Variants in MCPH1 observed in about 807,000 individuals in gnomAD.
MCPH1 encodes the protein microcephalin 1.
A neutral mutation model predicts 84.5 loss-of-function variants in MCPH1; 104 were observed. The observed-to-expected ratio is 1.23, with a 90% CI of 1.05 to 1.45. MCPH1 has a LOEUF of 1.45. Among genes scored for constraint, MCPH1 ranks in the 40% most tolerant of loss-of-function variants. The probability of loss-of-function intolerance (pLI) is 0.00; values close to 1 mark genes in which losing one functional copy is unlikely to be tolerated. For synonymous variants in MCPH1, 514 were observed against 366.8 expected (o/e 1.40, Z -4.58); for missense variants, 1,498 against 1,005.7 (o/e 1.49, Z -6.62).
intron 2 of MCPH1, among the ~76,000 whole-genome samples, chr8:6,412,451 A>G (rs937675815): frequency 6.6e-6 from 1 of 152,248 alleles, no homozygotes; most frequent in African/African-American, 2.4e-5. Context: ...AGTCGTTAAC[A>G]TCGTAAGATT....
At chr8:6,437,293 C>T (rs899251147) in intron 5 of MCPH1, among the ~76,000 whole-genome samples, 12 of 151,920 alleles carry the variant, frequency 7.9e-5, no homozygotes, top group African/African-American at 2.4e-4. Flanking sequence ...TGCAGTGGTG[C>T]GATCTTGGCT....
chr8:6,407,638 A>C (rs140399687), intron 1 of MCPH1, among the ~76,000 whole-genome samples: 5 of 152,342 alleles, frequency 3.3e-5, no homozygotes, highest in African/African-American at 1.2e-4. Flanking sequence ...CAAAGTCTGT[A>C]ATCAGATGTG....
intron 8 of MCPH1, among the ~76,000 whole-genome samples, chr8:6,451,460 C>G (rs558692670): frequency 5.3e-5 from 8 of 152,300 alleles, no homozygotes; most frequent in Admixed American, 2.6e-4. Flanking sequence ...TCAGGAAATT[C>G]AAAAGTCAGA....
chr8:6,544,814 T>G (rs1474149484), intron 12 of MCPH1, among the ~76,000 whole-genome samples: 1 of 152,218 alleles, frequency 6.6e-6, no homozygotes, highest in Non-Finnish European at 1.5e-5. Flanking sequence ...TAACATCTGC[T>G]GAACTGTCGA....
At chr8:6,441,490 G>C (rs1803502948) in intron 6 of MCPH1, among the ~76,000 whole-genome samples, 1 of 151,944 alleles carries the variant, frequency 6.6e-6, no homozygotes, top group South Asian at 2.1e-4. Flanking sequence ...TTTGTTTCTT[G>C]ACTATTGTAT....
At chr8:6,535,471 A>G (rs764248639) in intron 12 of MCPH1, among the ~76,000 whole-genome samples, 1 of 152,210 alleles carries the variant, frequency 6.6e-6, no homozygotes, top group Non-Finnish European at 1.5e-5. Context: ...GCTATTCAGG[A>G]TGACTAAGTA....
chr8:6,506,102 G>T (rs17077194), intron 12 of MCPH1, among the ~76,000 whole-genome samples: 11 of 140,798 alleles, frequency 7.8e-5, no homozygotes, highest in African/African-American at 3.1e-4. Context: ...TTCCTACATT[G>T]TTTCTTGGTG....
At chr8:6,625,995 G>A (rs892877840) in intron 13 of MCPH1, 3 of 985,264 alleles carry the variant, frequency 3.0e-6, no homozygotes, top group Non-Finnish European at 3.6e-6. Context: ...GGTGGGTACT[G>A]AAACGACAGC....
intron 12 of MCPH1, among the ~76,000 whole-genome samples, chr8:6,583,691 C>T (rs187497065): frequency 2.0e-5 from 3 of 152,210 alleles, no homozygotes; most frequent in East Asian, 1.9e-4. Flanking sequence ...TGGAAATGAG[C>T]TCATCCCCAC....
At chr8:6,611,444 A>G (rs1442128797) in intron 12 of MCPH1, among the ~76,000 whole-genome samples, 3 of 152,164 alleles carry the variant, frequency 2.0e-5, no homozygotes, top group African/African-American at 2.4e-5. Context: ...ACATTGACCA[A>G]TTCATCACAA....
chr8:6,444,239 A>T, intron 7 of MCPH1, 154 bp from the exon 8 acceptor site: 1 of 363,164 alleles, frequency 2.8e-6, no homozygotes, highest in Non-Finnish European at 3.8e-6. Flanking sequence ...CCTAAAATGT[A>T]CCCTTAAGTG....
At chr8:6,498,783 G>T (rs1027952369) in intron 11 of MCPH1, among the ~76,000 whole-genome samples, 1 of 152,048 alleles carries the variant, frequency 6.6e-6, no homozygotes, top group African/African-American at 2.4e-5. Context: ...CATATTGTTA[G>T]TATATCTCCT....
At chr8:6,420,800 C>A (rs567118647) in intron 3 of MCPH1, among the ~76,000 whole-genome samples, 1 of 152,226 alleles carries the variant, frequency 6.6e-6, no homozygotes. Flanking sequence ...TCCAAGTTAC[C>A]GGCAGCAAAC....
At chr8:6,560,389 G>GA (rs775254704) in intron 12 of MCPH1, among the ~76,000 whole-genome samples, 3 of 152,108 alleles carry the variant, frequency 2.0e-5, no homozygotes. Context: ...TTCCTCATGA[G>GA]AAAATCAGTG....
intron 8 of MCPH1, chr8:6,446,291 A>G: frequency 1.0e-6 from 1 of 985,314 alleles, no homozygotes; most frequent in Non-Finnish European, 1.2e-6. Context: ...GAAATCTTGA[A>G]CTTTGACCGT....
chr8:6,611,225 G>C (rs1161327601), intron 12 of MCPH1, among the ~76,000 whole-genome samples: 2 of 152,052 alleles, frequency 1.3e-5, no homozygotes. Flanking sequence ...GCAGACACCA[G>C]CTGAGTGTCC....
intron 3 of MCPH1, among the ~76,000 whole-genome samples, chr8:6,424,349 G>C (rs1013132632): frequency 6.6e-6 from 1 of 152,164 alleles, no homozygotes; most frequent in Non-Finnish European, 1.5e-5. Flanking sequence ...CTGAGAGTTG[G>C]TTGCTGACCG....
chr8:6,530,565 A>T (rs113487655), intron 12 of MCPH1, among the ~76,000 whole-genome samples: 1,260 of 77,682 alleles, frequency 0.016, 21 homozygotes, highest in African/African-American at 0.051. Flanking sequence ...TTTTGGTCCA[A>T]CCTAATAATT....
intron 6 of MCPH1, among the ~76,000 whole-genome samples, chr8:6,441,119 A>G (rs184389401): frequency 6.6e-6 from 1 of 152,330 alleles, no homozygotes. Context: ...AGCAAGACTG[A>G]AATGTAGTCT....
Sources: gnomAD v4.1 joint callset for allele counts (sites outside exome capture counted in the v4.1 genomes callset) on GRCh38, gnomAD v4.1.1 for gene constraint, MANE v1.5 for transcripts, NCBI Gene and HGNC (gene_info 2026-07-23, HGNC 2026-07-21) for gene names.